MGAT4C: variants seen among roughly 807,000 people sequenced by gnomAD.
The protein encoded by MGAT4C is alpha-1,3-mannosyl-glycoprotein 4-beta-N-acetylglucosaminyltransferase C.
A neutral mutation model predicts 40.1 loss-of-function variants in MGAT4C; 19 were observed. That is an observed-to-expected ratio of 0.47 (90% CI 0.33 to 0.70). The LOEUF (loss-of-function observed/expected upper bound fraction) is 0.70. MGAT4C is among the 30% of genes least tolerant of loss of function. The pLI is 0.02. For missense variants in MGAT4C, 491 were observed against 563.2 expected, an observed-to-expected ratio of 0.87 and a Z score of 1.30; for synonymous variants, 181 against 187.1, an observed-to-expected ratio of 0.97 and a Z score of 0.27.
intron 3 of MGAT4C, among the ~76,000 whole-genome samples, chr12:86,432,957 T>C (rs1054873827): frequency 6.6e-5 from 10 of 151,372 alleles, no homozygotes; most frequent in Non-Finnish European, 1.5e-4. Flanking sequence ...TTCCCTGGAG[T>C]GGGTATGAGG....
intron 1 of MGAT4C, among the ~76,000 whole-genome samples, chr12:86,776,125 G>A (rs951550733): frequency 1.3e-5 from 2 of 152,002 alleles, no homozygotes; most frequent in Non-Finnish European, 2.9e-5. Context: ...CCTGATGATT[G>A]AGTAGATGTG....
chr12:86,298,979 G>C (rs2136137236), intron 4 of MGAT4C, among the ~76,000 whole-genome samples: 1 of 152,046 alleles, frequency 6.6e-6, no homozygotes, highest in Non-Finnish European at 1.5e-5. Flanking sequence ...ATAACACATA[G>C]TACTATTTAA....
At chr12:86,392,989 C>T (rs1956185030) in intron 3 of MGAT4C, among the ~76,000 whole-genome samples, 1 of 152,098 alleles carries the variant, frequency 6.6e-6, no homozygotes, top group Non-Finnish European at 1.5e-5. Flanking sequence ...AAACAATTTG[C>T]ATCTTTAAAA....
intron 3 of MGAT4C, among the ~76,000 whole-genome samples, chr12:86,418,001 T>C (rs1448751048): frequency 6.6e-6 from 1 of 152,172 alleles, no homozygotes; most frequent in Non-Finnish European, 1.5e-5. Flanking sequence ...GAGACAAGAC[T>C]AGAGTCCTAT....
rs1281484201 is a variant in MGAT4C at position 85,956,396 on chromosome 12, GT to G, written c.*22892del. Reference sequence around the variant, plus strand: ...GAATCTGATTCTCAATAACTTCGGTGTTTTGTTTGTCCTTAGACAATAGAGA... The same window carrying G: ...GAATCTGATTCTCAATAACTTCGGTGTTTGTTTGTCCTTAGACAATAGAGA... On this transcript the variant is annotated 3_prime_UTR_variant, in exon 5 of 5. Transcript: ENST00000611864. 3 of 152,128 alleles carry G rather than the reference GT, an allele frequency of 2.0e-5. No individual in the cohort carries two copies. Among genetic ancestry groups the G allele is most frequent in the Non-Finnish European group, 2.9e-5 (2 of 68,010 alleles). 9.4% of individuals were successfully genotyped at this position (152,128 alleles called of 1,614,324 possible).
At chr12:86,407,123 G>T (rs756645876) in intron 3 of MGAT4C, among the ~76,000 whole-genome samples, 4 of 152,094 alleles carry the variant, frequency 2.6e-5, no homozygotes, top group Non-Finnish European at 4.4e-5. Flanking sequence ...TGATATAAAA[G>T]ATTTTATAAA....
intron 1 of MGAT4C, among the ~76,000 whole-genome samples, chr12:86,763,560 GC>G (rs1248044164): frequency 1.3e-5 from 2 of 152,064 alleles, no homozygotes; most frequent in Non-Finnish European, 2.9e-5. Flanking sequence ...CCATATCTAT[GC>G]TTTGAATACT....
At chr12:86,146,049 A>T (rs970054434) in intron 1 of MGAT4C, among the ~76,000 whole-genome samples, 4 of 152,200 alleles carry the variant, frequency 2.6e-5, no homozygotes, top group Admixed American at 2.6e-4. Flanking sequence ...ATTCCTTTTG[A>T]TCAGAAACAT....
In MGAT4C at chr12:85,968,275, G is replaced by C. The variant is rs1883457654; in HGVS notation, c.*11014C>G. The C allele has an allele frequency of 1.3e-5, 2 of 152,020 alleles. No individual in the cohort carries two copies. Among genetic ancestry groups the C allele is most frequent in the South Asian group, 4.1e-4 (2 of 4,822 alleles). 9.4% of individuals were successfully genotyped at this position (152,020 alleles called of 1,614,324 possible). A position where few individuals can be genotyped will look rare whatever the true frequency, so the allele number is the denominator to read the frequency against. On this transcript the variant is annotated 3_prime_UTR_variant, in exon 5 of 5. Transcript: ENST00000611864. ...CTCAGTTTACAAACAGCAGTGGGTTGAAGGCAATGCTGTTTATATTCTTGA... is the reference window on the plus strand; with the variant it reads ...CTCAGTTTACAAACAGCAGTGGGTTCAAGGCAATGCTGTTTATATTCTTGA...
chr12:85,990,485 A>G (rs957286170), intron 2 of MGAT4C, among the ~76,000 whole-genome samples: 1 of 152,158 alleles, frequency 6.6e-6, no homozygotes, highest in Non-Finnish European at 1.5e-5. Flanking sequence ...CTTTATGATG[A>G]AGTATTTATG....
intron 2 of MGAT4C, among the ~76,000 whole-genome samples, chr12:86,462,124 T>C (rs1313084652): frequency 1.3e-5 from 2 of 152,204 alleles, no homozygotes; most frequent in South Asian, 4.1e-4. Context: ...ATAACTGATA[T>C]TGCATGCATT....
chr12:85,989,869 A>G (rs530454239), intron 2 of MGAT4C, among the ~76,000 whole-genome samples: 8 of 152,224 alleles, frequency 5.3e-5, no homozygotes, highest in Admixed American at 4.6e-4. Flanking sequence ...ACAAAAGCAC[A>G]ATAGAAAAAC....
intron 3 of MGAT4C, among the ~76,000 whole-genome samples, chr12:86,417,113 C>T (rs1956734022): frequency 1.3e-5 from 2 of 152,132 alleles, no homozygotes; most frequent in East Asian, 3.9e-4. Flanking sequence ...CAACAGTCTG[C>T]ATCGGTCAAC....
At chr12:86,200,755 G>A (rs1408148374) in intron 1 of MGAT4C, among the ~76,000 whole-genome samples, 1 of 152,138 alleles carries the variant, frequency 6.6e-6, no homozygotes, top group Non-Finnish European at 1.5e-5. Context: ...ATATCCATAT[G>A]TTGAGACCTA....
At chr12:86,394,583 A>G (rs1010569091) in intron 3 of MGAT4C, among the ~76,000 whole-genome samples, 13 of 143,846 alleles carry the variant, frequency 9.0e-5, no homozygotes, top group Non-Finnish European at 1.7e-4. Flanking sequence ...ATATATGTGT[A>G]TAAAATATTT....
intron 2 of MGAT4C, 31 bp downstream of exon 2, chr12:86,049,643 G>T: frequency 1.0e-6 from 1 of 960,346 alleles, no homozygotes; most frequent in Non-Finnish European, 1.2e-6. Flanking sequence ...TAGTACCTTA[G>T]AATACTACCA....
At chr12:86,254,187 A>G (rs1952420210) in intron 1 of MGAT4C, among the ~76,000 whole-genome samples, 1 of 151,972 alleles carries the variant, frequency 6.6e-6, no homozygotes, top group African/African-American at 2.4e-5. Flanking sequence ...GGAAATTGCT[A>G]TGATATCATT....
intron 2 of MGAT4C, among the ~76,000 whole-genome samples, chr12:86,513,584 GT>G (rs1032667928): frequency 6.6e-6 from 1 of 152,154 alleles, no homozygotes; most frequent in African/African-American, 2.4e-5. Context: ...AGAAAGGATA[GT>G]TTTTTGAACA....
intron 2 of MGAT4C, among the ~76,000 whole-genome samples, chr12:86,510,668 A>G (rs1006384424): frequency 2.6e-5 from 4 of 152,120 alleles, no homozygotes; most frequent in African/African-American, 9.7e-5. Flanking sequence ...AATGGAAAAC[A>G]AAAAAAGGCA....
Sources: allele counts gnomAD v4.1 joint callset (sites outside exome capture counted in the v4.1 genomes callset), GRCh38; gene constraint gnomAD v4.1.1; transcripts MANE v1.5; gene names NCBI Gene and HGNC (gene_info 2026-07-23, HGNC 2026-07-21).